Variants in AHR observed in about 807,000 individuals in gnomAD.
AHR encodes the protein AH-receptor.
A neutral mutation model predicts 86.8 loss-of-function variants in AHR; 40 were observed. The observed-to-expected ratio is 0.46, with a 90% CI of 0.36 to 0.60. AHR has a LOEUF of 0.60. Ranked by LOEUF, AHR falls within the 20% of genes least tolerant of loss-of-function variation. AHR has a pLI of 0.00. For missense variants in AHR, 1,001 were observed against 1,011.6 expected (o/e 0.99, Z 0.14); for synonymous variants, 398 against 354.9 (o/e 1.12, Z -1.37).
At chr7:17,310,221 A>G in intron 2 of AHR, 98 bp downstream of exon 2, 1 of 1,175,778 alleles carries the variant, frequency 8.5e-7, no homozygotes, top group Non-Finnish European at 1.2e-6. Context: ...AATTAGCCGT[A>G]TTTGGAAAAT....
chr7:17,313,221 A>G (rs1442773189), intron 2 of AHR, among the ~76,000 whole-genome samples: 1 of 152,190 alleles, frequency 6.6e-6, no homozygotes, highest in Non-Finnish European at 1.5e-5. Context: ...ATGAAATTAT[A>G]AGGGTGACCC....
At chr7:17,322,948 G>T (rs1490468266) in intron 3 of AHR, among the ~76,000 whole-genome samples, 1 of 152,016 alleles carries the variant, frequency 6.6e-6, no homozygotes, top group African/African-American at 2.4e-5. Flanking sequence ...TGCTGTACAG[G>T]TCTGTAGCCT....
In AHR at chr7:17,343,688, A is replaced by T. The variant is rs778637154; in HGVS notation, c.*624A>T. ...TATTCTTTTTCTTTTTTAAATTAAT[A>T]TCTTTCTGCACACAAATATTATTTG... On this transcript the variant is annotated 3_prime_UTR_variant, in exon 11 of 11. Transcript: ENST00000242057. The T allele has an allele frequency of 2.6e-4, 40 of 152,650 alleles. No homozygotes were observed. Among genetic ancestry groups the T allele is most frequent in the Non-Finnish European group, 4.1e-4 (28 of 67,968 alleles). The allele number at this position is 152,650 out of a possible 1,614,324, so 9.5% of individuals were successfully genotyped here. A position where few individuals can be genotyped will look rare whatever the true frequency, so the allele number is the denominator to read the frequency against.
intron 8 of AHR, 136 bp downstream of exon 8, chr7:17,335,132 T>C (rs1782341231): frequency 3.6e-6 from 2 of 559,300 alleles, no homozygotes; most frequent in Non-Finnish European, 6.2e-6. Flanking sequence ...ATCATTATGA[T>C]TAACCAGGGT....
rs76154490 is a variant in AHR at position 17,327,030 on chromosome 7, A to G, written c.361-729A>G. On this transcript the variant is annotated intron_variant, in intron 3 of 10. Transcript: ENST00000242057. ...TTATCCAGTAATAGGAAAAGAAACT[A>G]TAACATCCAAACTAAAGAGTATGGG... 3.3e-4 allele frequency among the ~76,000 whole-genome samples: 50 copies of G among 152,286 alleles called. No individual in the cohort carries two copies. The East Asian group carries it at 8.5e-3, about 26-fold the overall frequency.
chr7:17,304,081 G>A (rs1361658765), intron 1 of AHR, among the ~76,000 whole-genome samples: 1 of 152,096 alleles, frequency 6.6e-6, no homozygotes, highest in African/African-American at 2.4e-5. Context: ...CTTTTAGTTT[G>A]TTCTTTTTAC....
intron 2 of AHR, 46 bp from the exon 3 acceptor site, chr7:17,322,455 A>T: frequency 7.8e-7 from 1 of 1,279,418 alleles, no homozygotes; most frequent in Non-Finnish European, 1.1e-6. Flanking sequence ...ATAGCTCTTT[A>T]CTCTTGCTTA....
At position 17,343,181 on chromosome 7, in the gene AHR, C is replaced by T; in HGVS notation, c.*117C>T. The T allele has an allele frequency of 2.5e-6, 3 of 1,224,466 alleles. No individual in the cohort carries two copies. The highest frequency in any genetic ancestry group is 3.5e-6 in the Non-Finnish European group (3 of 849,956). The allele number at this position is 1,224,466 out of a possible 1,614,324, so 75.9% of individuals were successfully genotyped here. A position where few individuals can be genotyped will look rare whatever the true frequency, so the allele number is the denominator to read the frequency against. On this transcript the variant is annotated 3_prime_UTR_variant, in exon 11 of 11. Transcript: ENST00000242057. The stretch of plus-strand genomic sequence containing the variant: ...GTTCACATGGAGGCATTGATGCATG[C>T]TATTCACAATTATTCCAAACCAAAT...
intron 6 of AHR, among the ~76,000 whole-genome samples, chr7:17,332,211 A>G (rs934741901): frequency 3.9e-5 from 6 of 152,028 alleles, no homozygotes; most frequent in Admixed American, 2.0e-4. Flanking sequence ...ACAATTATAT[A>G]TGATACATAA....
At chr7:17,313,438 A>G (rs891074274) in intron 2 of AHR, among the ~76,000 whole-genome samples, 20 of 152,160 alleles carry the variant, frequency 1.3e-4, no homozygotes, top group African/African-American at 4.8e-4. Context: ...GTAATCATAC[A>G]ATCTTGTTAG....
In AHR at chr7:17,337,975, G is replaced by A. The variant is rs748427337; in HGVS notation, c.1161-1011G>A. 3.4e-4 allele frequency among the ~76,000 whole-genome samples: 52 copies of A among 150,752 alleles called. 1 individual carries two copies. The highest frequency in any genetic ancestry group is 3.3e-4 in the Admixed American group (5 of 15,170). On this transcript the variant is annotated intron_variant, in intron 9 of 10. Transcript: ENST00000242057. The stretch of plus-strand genomic sequence containing the variant: ...AAAAATTCTATTGCCCGAGGCGGGC[G>A]GATCACGAGGTCAGGAGATCGAGAC...
chr7:17,340,275 A>G (rs1465507968), intron 10 of AHR, 47 bp downstream of exon 10: 1 of 1,528,026 alleles, frequency 6.5e-7, no homozygotes. Context: ...GATTCTTTTT[A>G]CCTTATAGAC....
intron 9 of AHR, among the ~76,000 whole-genome samples, chr7:17,336,253 A>T (rs1246947819): frequency 6.6e-6 from 1 of 152,020 alleles, no homozygotes; most frequent in Non-Finnish European, 1.5e-5. Context: ...CCCAGCCATT[A>T]TACGTATACC....
In AHR at chr7:17,339,514, A is replaced by C. The variant is rs1241564863; in HGVS notation, c.1689A>C (p.Arg563Ser). The part of the protein sequence containing the change: ...IRHMQNEKFF[R>S]NDFSGEVDFR... ...ACATGCAGAATGAAAAATTTTTCAG[A>C]AATGATTTTTCTGGTGAGGTTGACT... Residue 563 changes from arginine (R) to serine (S), a missense_variant, in exon 10 of 11, where the codon AGA (arginine) becomes AGC (serine). By Grantham distance (110) the Arg-to-Ser change is moderately radical. Transcript: ENST00000242057. 3 of 1,614,070 alleles carry C rather than the reference A, an allele frequency of 1.9e-6. No individual in the cohort carries two copies. The highest frequency in any genetic ancestry group is 2.5e-6 in the Non-Finnish European group (3 of 1,180,008).
At chr7:17,319,212 A>G (rs377542715) in intron 2 of AHR, among the ~76,000 whole-genome samples, 3 of 152,168 alleles carry the variant, frequency 2.0e-5, no homozygotes, top group Non-Finnish European at 1.5e-5. Flanking sequence ...GTATAAAGTC[A>G]GCATAGACTT....
intron 6 of AHR, 101 bp downstream of exon 6, chr7:17,330,987 C>A (rs1782282659): frequency 1.6e-6 from 2 of 1,267,762 alleles, no homozygotes; most frequent in Non-Finnish European, 2.2e-6. Context: ...AGAACTATTC[C>A]CAAATCAGGC....
intron 3 of AHR, 48 bp from the exon 4 acceptor site, chr7:17,327,711 G>A (rs767704586): frequency 9.6e-7 from 1 of 1,037,156 alleles, no homozygotes; most frequent in South Asian, 1.6e-5. Context: ...TTATCTGATG[G>A]TCAATATTAA....
At chr7:17,319,311 T>C (rs1782146710) in intron 2 of AHR, among the ~76,000 whole-genome samples, 1 of 152,044 alleles carries the variant, frequency 6.6e-6, no homozygotes, top group Non-Finnish European at 1.5e-5. Context: ...AGAATTTGTC[T>C]CAAGAGGTAG....
In AHR at chr7:17,330,021, C is replaced by G. The variant is rs1182728869; in HGVS notation, c.520C>G (p.Leu174Val). ...TEDRAEFQRQ[L>V]HWALNPSQCT... ...AGACCGAGCTGAATTTCAGCGTCAG[C>G]TACACTGGGCATTAAATCCTTCTCA... is the stretch of plus-strand genomic sequence containing the variant. The change falls in exon 5 of 11, where the codon CTA (leucine) becomes GTA (valine). Residue 174 changes from leucine to valine, a missense_variant. This residue lies in a region of AHR where 394 missense variants were observed against 468.5 expected (regional missense o/e 0.84). Coordinates refer to ENST00000242057, the MANE Select transcript of AHR (RefSeq NM_001621.5). 6.2e-7 allele frequency: 1 copy of G among 1,611,166 alleles called. No individual in the cohort carries two copies. The highest frequency in any genetic ancestry group is 1.3e-5 in the African/African-American group (1 of 74,778).
Sources: allele counts gnomAD v4.1 joint callset (sites outside exome capture counted in the v4.1 genomes callset), GRCh38; gene constraint gnomAD v4.1.1; regional missense constraint gnomAD v4.1.1; transcripts MANE v1.5; gene names NCBI Gene and HGNC (gene_info 2026-07-23, HGNC 2026-07-21).